AGBL4: variants seen among roughly 807,000 people sequenced by gnomAD.
AGBL4 encodes cytosolic carboxypeptidase 6.
A neutral mutation model predicts 66.4 loss-of-function variants in AGBL4; 58 were observed. That is an observed-to-expected ratio of 0.87 (90% CI 0.71 to 1.09). The LOEUF (loss-of-function observed/expected upper bound fraction) is 1.09. Among genes scored for constraint, AGBL4 ranks in the 50% least tolerant of loss-of-function variants. The pLI, the probability that AGBL4 is intolerant of heterozygous loss-of-function variation, is 0.00. For synonymous variants in AGBL4, 234 were observed against 222.9 expected, an observed-to-expected ratio of 1.05 and a Z score of -0.44; for missense variants, 579 against 631.0, an observed-to-expected ratio of 0.92 and a Z score of 0.88.
chr1:49,884,532 A>C (rs1267386089), intron 1 of AGBL4, among the ~76,000 whole-genome samples: 1 of 151,928 alleles, frequency 6.6e-6, no homozygotes, highest in East Asian at 1.9e-4. Flanking sequence ...CTTGGTGAAA[A>C]GTAATGTAAA....
chr1:48,890,860 C>T (rs1409966231), intron 5 of AGBL4, among the ~76,000 whole-genome samples: 1 of 152,152 alleles, frequency 6.6e-6, no homozygotes, highest in Non-Finnish European at 1.5e-5. Context: ...AGTGCAGGAA[C>T]ATGAGGGTGA....
intron 11 of AGBL4, among the ~76,000 whole-genome samples, chr1:48,552,682 G>T (rs1394933307): frequency 6.6e-6 from 1 of 152,156 alleles, no homozygotes; most frequent in Non-Finnish European, 1.5e-5. Context: ...ACTCCCTGGG[G>T]CAAACACACC....
chr1:49,756,098 A>T (rs533582366), intron 2 of AGBL4, among the ~76,000 whole-genome samples: 9 of 151,928 alleles, frequency 5.9e-5, no homozygotes, highest in African/African-American at 7.3e-5. Context: ...ATTATAAATT[A>T]AAAAAATTTT....
chr1:49,189,546 T>C (rs1391124532), intron 4 of AGBL4, among the ~76,000 whole-genome samples: 4 of 152,196 alleles, frequency 2.6e-5, no homozygotes, highest in Non-Finnish European at 5.9e-5. Context: ...ATATGACTAT[T>C]TTATAAGTGA....
intron 4 of AGBL4, among the ~76,000 whole-genome samples, chr1:49,086,182 C>G (rs1644904143): frequency 6.6e-6 from 1 of 151,980 alleles, no homozygotes; most frequent in South Asian, 2.1e-4. Flanking sequence ...GCCCACTGGT[C>G]CTACTTCTAT....
chr1:49,403,504 T>C (rs1022122462), intron 3 of AGBL4, among the ~76,000 whole-genome samples: 1 of 152,244 alleles, frequency 6.6e-6, no homozygotes, highest in Non-Finnish European at 1.5e-5. Context: ...TCTGTTATCT[T>C]GGATTTCTTT....
chr1:49,779,832 G>A (rs776057691), intron 2 of AGBL4, among the ~76,000 whole-genome samples: 5 of 152,038 alleles, frequency 3.3e-5, no homozygotes, highest in Non-Finnish European at 1.5e-5. Context: ...ACTTCCAGAA[G>A]CTTAAGGAAT....
chr1:48,832,462 G>A (rs555548854), intron 6 of AGBL4, among the ~76,000 whole-genome samples: 34 of 152,108 alleles, frequency 2.2e-4, no homozygotes, highest in Non-Finnish European at 4.0e-4. Context: ...TTGCCACAAA[G>A]TTTTTCAAGG....
At chr1:49,375,126 C>T (rs1298627375) in intron 3 of AGBL4, among the ~76,000 whole-genome samples, 2 of 152,110 alleles carry the variant, frequency 1.3e-5, no homozygotes, top group Admixed American at 6.6e-5. Context: ...AAACTACATT[C>T]GTTTGTAAAA....
chr1:49,253,051 A>G (rs954730363), intron 3 of AGBL4, among the ~76,000 whole-genome samples: 2 of 152,188 alleles, frequency 1.3e-5, no homozygotes. Context: ...AAATCCACAC[A>G]TATCAATACT....
At chr1:49,167,340 T>G (rs1646653450) in intron 4 of AGBL4, among the ~76,000 whole-genome samples, 1 of 152,198 alleles carries the variant, frequency 6.6e-6, no homozygotes, top group Non-Finnish European at 1.5e-5. Context: ...ATTTTTTCCA[T>G]ATGCCTAGTT....
At position 49,959,144 on chromosome 1, in the gene AGBL4, G is replaced by A. The variant is rs547058706; in HGVS notation, c.34+64619C>T. 4.6e-5 allele frequency among the ~76,000 whole-genome samples: 7 copies of A among 152,074 alleles called. No individual in the cohort carries two copies. The East Asian group carries it at 1.2e-3, about 25-fold the overall frequency. On this transcript the variant is annotated intron_variant, in intron 1 of 13. Coordinates refer to ENST00000371839, the MANE Select transcript of AGBL4 (RefSeq NM_032785.4). The stretch of plus-strand genomic sequence containing the variant: ...GAATGGAAAGGAAGGTCAGGAACTA[G>A]CAGAGACAAATCAGATAGTATTTGT...
intron 2 of AGBL4, among the ~76,000 whole-genome samples, chr1:49,762,704 A>G (rs1404213898): frequency 2.0e-5 from 3 of 151,868 alleles, no homozygotes; most frequent in Admixed American, 6.6e-5. Flanking sequence ...GAGCCACTGC[A>G]CCCGGCCGTG....
At chr1:49,877,546 C>T (rs1557538974) in intron 1 of AGBL4, among the ~76,000 whole-genome samples, 2 of 151,486 alleles carry the variant, frequency 1.3e-5, no homozygotes, top group Non-Finnish European at 3.0e-5. Context: ...TGATGGGCTG[C>T]TGGATTCGGT....
At chr1:49,579,921 G>A (rs1644509271) in intron 3 of AGBL4, among the ~76,000 whole-genome samples, 1 of 152,130 alleles carries the variant, frequency 6.6e-6, no homozygotes, top group African/African-American at 2.4e-5. Context: ...GAAGTCCCCT[G>A]GTATTCTGAT....
intron 2 of AGBL4, among the ~76,000 whole-genome samples, chr1:49,771,867 T>C (rs560034312): frequency 6.6e-6 from 1 of 152,182 alleles, no homozygotes; most frequent in African/African-American, 2.4e-5. Context: ...GTATTGTCTT[T>C]AATGGTGAGA....
intron 4 of AGBL4, among the ~76,000 whole-genome samples, chr1:49,205,196 G>A (rs1170431941): frequency 6.6e-6 from 1 of 151,922 alleles, no homozygotes; most frequent in African/African-American, 2.4e-5. Context: ...TTCCCCACAT[G>A]GCTTTAATTT....
intron 3 of AGBL4, among the ~76,000 whole-genome samples, chr1:49,416,626 A>G (rs1051255238): frequency 6.6e-6 from 1 of 152,162 alleles, no homozygotes; most frequent in Admixed American, 6.6e-5. Context: ...ATTTAATGTG[A>G]TACTTTGGGC....
chr1:49,304,334 T>G (rs532402884), intron 3 of AGBL4, among the ~76,000 whole-genome samples: 1 of 152,300 alleles, frequency 6.6e-6, no homozygotes, highest in South Asian at 2.1e-4. Context: ...CTATGACACA[T>G]GCACTTTTTT....
Sources: gnomAD v4.1 joint callset for allele counts (sites outside exome capture counted in the v4.1 genomes callset) on GRCh38, gnomAD v4.1.1 for gene constraint, MANE v1.5 for transcripts, NCBI Gene and HGNC (gene_info 2026-07-23, HGNC 2026-07-21) for gene names.